CDC7: variants seen among roughly 807,000 people sequenced by gnomAD.
The protein encoded by CDC7 is cell division cycle 7-related protein kinase.
Under a neutral mutation model 53.5 loss-of-function variants are expected in CDC7, and 34 were observed. The ratio of observed to expected loss-of-function variants is 0.64; its 90% CI spans 0.48 to 0.85. The LOEUF is 0.85. Ranked by LOEUF, CDC7 falls within the 40% of genes least tolerant of loss-of-function variation. The probability of loss-of-function intolerance (pLI) is 0.00; values close to 1 mark genes in which losing one functional copy is unlikely to be tolerated. For synonymous variants in CDC7, 211 were observed against 222.8 expected (o/e 0.95, Z 0.47); for missense variants, 594 against 679.7 (o/e 0.87, Z 1.40).
In CDC7 at chr1:91,514,844, A is replaced by T; in HGVS notation, c.944A>T (p.Asp315Val). The change falls in exon 9 of 12, where the codon GAT (aspartate) becomes GTT (valine). Residue 315 changes from aspartate to valine, a missense_variant. Transcript: ENST00000234626. ...CTCATGAAGCAGTCAAAGACTGTGG[A>T]TGTACTGTCTAGAAAGTTAGCAACA... ...VKLMKQSKTV[D>V]VLSRKLATKK... The T allele has an allele frequency of 6.2e-7, 1 of 1,611,908 alleles. No homozygotes were observed. The highest frequency in any genetic ancestry group is 8.5e-7 in the Non-Finnish European group (1 of 1,178,958).
chr1:91,501,582 G>A, intron 1 of CDC7, 72 bp from the exon 2 acceptor site: 3 of 699,748 alleles, frequency 4.3e-6, no homozygotes, highest in Non-Finnish European at 7.6e-6. Context: ...GCCCCTTTGG[G>A]GGGCAGTAGC....
intron 10 of CDC7, among the ~76,000 whole-genome samples, chr1:91,519,136 T>C (rs1667766100): frequency 6.6e-6 from 1 of 150,888 alleles, no homozygotes; most frequent in East Asian, 1.9e-4. Context: ...AGTAATTTAA[T>C]TGTGCAGTTT....
intron 10 of CDC7, 25 bp from the exon 11 acceptor site, chr1:91,520,099 ATTTATT>A: frequency 6.5e-7 from 1 of 1,527,536 alleles, no homozygotes; most frequent in African/African-American, 1.4e-5. Flanking sequence ...TAGATTTGAA[ATTTATT>A]TTTAAAATTT....
rs778529266 is a variant in CDC7, at chr1:91,524,302, A to G, written c.1592A>G (p.Asn531Ser). Residue 531 changes from asparagine to serine, a missense_variant, in exon 12 of 12, where the codon AAT becomes AGT. Physicochemically the swap from Asn to Ser is conservative, Grantham distance 46 (BLOSUM62 1). Transcript: ENST00000234626. ...CATTGTTTTGATGAGTATAATACCA[A>G]TTTAGAAGGCTGGAATGAGGTACCT... ...CEHCFDEYNT[N>S]LEGWNEVPDE... The G allele has an allele frequency of 6.2e-6, 10 of 1,613,998 alleles. No homozygotes were observed. The South Asian group carries it at 6.6e-5, about 11-fold the overall frequency.
intron 1 of CDC7, 162 bp downstream of exon 1, chr1:91,501,110 C>T (rs1242010226): frequency 1.3e-5 from 2 of 152,238 alleles, no homozygotes; most frequent in East Asian, 1.9e-4. Context: ...CACTAAGCAT[C>T]TGGTTCGGTC....
intron 11 of CDC7, 139 bp from the exon 12 acceptor site, chr1:91,523,894 CTGTGTGTG>C (rs56282166): frequency 0.13 from 59,931 of 453,158 alleles, 185 homozygotes; most frequent in South Asian, 0.17. Flanking sequence ...CTATCTCATA[CTGTGTGTG>C]TGTGTGTGTG....
chr1:91,513,154 T>G lies in CDC7; in HGVS notation c.669T>G (p.Cys223Trp). Reference protein sequence around the residue: ...FVQSEAQQERCSQNKSHIITG... With the variant: ...FVQSEAQQERWSQNKSHIITG... ...AGTCTGAAGCTCAGCAGGAAAGGTG[T>G]TCACAAAACAAATCCCACATAATCA... The change falls in exon 7 of 12, where the codon TGT becomes TGG. Residue 223 changes from cysteine to tryptophan, a missense_variant. By Grantham distance (215) the Cys-to-Trp change is radical (BLOSUM62 -2). Transcript: ENST00000234626. The G allele has an allele frequency of 6.2e-7, 1 of 1,613,710 alleles. No homozygotes were observed. The highest frequency in any genetic ancestry group is 8.5e-7 in the Non-Finnish European group (1 of 1,179,814).
intron 9 of CDC7, 171 bp from the exon 10 acceptor site, chr1:91,515,623 A>G (rs973451750): frequency 3.1e-5 from 11 of 358,772 alleles, no homozygotes; most frequent in African/African-American, 2.0e-4. Flanking sequence ...AAAAAACAGA[A>G]GAAGAAAAAT....
At chr1:91,507,468 C>A (rs1667052126) in intron 2 of CDC7, among the ~76,000 whole-genome samples, 1 of 152,114 alleles carries the variant, frequency 6.6e-6, no homozygotes, top group South Asian at 2.1e-4. Flanking sequence ...GATTTTGTAT[C>A]TTTACGGGAA....
At chr1:91,507,752 T>C in intron 2 of CDC7, 102 bp from the exon 3 acceptor site, 1 of 760,118 alleles carries the variant, frequency 1.3e-6, no homozygotes, top group Non-Finnish European at 2.1e-6. Context: ...TATAATTAAT[T>C]ACTCATATTT....
chr1:91,505,438 G>A (rs1666935556), intron 2 of CDC7, among the ~76,000 whole-genome samples: 1 of 152,172 alleles, frequency 6.6e-6, no homozygotes, highest in African/African-American at 2.4e-5. Context: ...CTATGTTACA[G>A]ATAGACTCCA....
At chr1:91,506,494 C>T (rs975644086) in intron 2 of CDC7, among the ~76,000 whole-genome samples, 2 of 152,152 alleles carry the variant, frequency 1.3e-5, no homozygotes, top group Admixed American at 6.5e-5. Context: ...AAATCCTCCC[C>T]AACCTAGTAG....
chr1:91,501,846 C>A lies in CDC7; in HGVS notation c.115+15C>A, dbSNP rs189693016. ...TAAACTTGCAGGTACGTGTTTAAAT[C>A]CAAAGATGTACAGTTATAAAGATTT... On this transcript the variant is annotated intron_variant, in intron 2 of 11. Coordinates refer to ENST00000234626, the MANE Select transcript of CDC7 (RefSeq NM_003503.4). 1.3e-6 allele frequency: 2 copies of A among 1,544,432 alleles called. No individual in the cohort carries two copies. Among genetic ancestry groups the A allele is most frequent in the African/African-American group, 1.4e-5 (1 of 73,658 alleles).
At chr1:91,512,398 T>G (rs1370003725) in intron 6 of CDC7, among the ~76,000 whole-genome samples, 4 of 78,312 alleles carry the variant, frequency 5.1e-5, no homozygotes, top group Non-Finnish European at 1.1e-4. Flanking sequence ...ACTAACAGAC[T>G]TAGAGTCTAA....
chr1:91,512,315 G>A (rs1228232262), intron 6 of CDC7, among the ~76,000 whole-genome samples: 1 of 152,086 alleles, frequency 6.6e-6, no homozygotes, highest in Non-Finnish European at 1.5e-5. Context: ...ATTTGGTGAT[G>A]AAGAAGATAA....
chr1:91,511,088 T>C (rs2102355120), intron 4 of CDC7, among the ~76,000 whole-genome samples: 1 of 152,268 alleles, frequency 6.6e-6, no homozygotes, highest in East Asian at 1.9e-4. Flanking sequence ...CTTCTTTTAC[T>C]GGCTTCTCTA....
chr1:91,503,459 T>G (rs1408567247), intron 2 of CDC7, among the ~76,000 whole-genome samples: 2 of 152,158 alleles, frequency 1.3e-5, no homozygotes, highest in African/African-American at 4.8e-5. Context: ...TGCCTGCACC[T>G]CATCAACTTT....
At position 91,525,227 on chromosome 1, in the gene CDC7, G is replaced by A. The variant is rs1271537518; in HGVS notation, c.*792G>A. 1 of 152,102 alleles carries A rather than the reference G, an allele frequency of 6.6e-6. No individual in the cohort carries two copies. Among genetic ancestry groups the A allele is most frequent in the African/African-American group, 2.4e-5 (1 of 41,428 alleles). 9.4% of individuals were successfully genotyped at this position (152,102 alleles called of 1,614,324 possible). ...GATAAAGGGAAGCTGCAGGACCAAG[G>A]TGAAGATTGATAGTCCAAATGCTTT... On this transcript the variant is annotated 3_prime_UTR_variant, in exon 12 of 12. Coordinates refer to ENST00000234626, the MANE Select transcript of CDC7 (RefSeq NM_003503.4).
Position 91,514,934 on chromosome 1 carries a change from G to T in CDC7, c.1034G>T (p.Cys345Phe). Residue 345 changes from cysteine to phenylalanine, a missense_variant, in exon 9 of 12, where the codon TGC (cysteine) becomes TTC (phenylalanine). By Grantham distance (205) the Cys-to-Phe change is radical. Coordinates refer to ENST00000234626, the MANE Select transcript of CDC7 (RefSeq NM_003503.4). Reference protein sequence around the residue: ...SAVMRKTASSCPASLTCDCYA... With the variant: ...SAVMRKTASSFPASLTCDCYA... The stretch of plus-strand genomic sequence containing the variant: ...GTGATGAGGAAAACTGCCAGTTCTT[G>T]CCCAGCTAGCCTGACCTGTGACTGC... The T allele has an allele frequency of 6.2e-7, 1 of 1,613,868 alleles. No homozygotes were observed. Among genetic ancestry groups the T allele is most frequent in the Non-Finnish European group, 8.5e-7 (1 of 1,179,850 alleles).
Sources: gnomAD v4.1 joint callset for allele counts (sites outside exome capture counted in the v4.1 genomes callset) on GRCh38, gnomAD v4.1.1 for gene constraint, MANE v1.5 for transcripts, NCBI Gene and HGNC (gene_info 2026-07-23, HGNC 2026-07-21) for gene names.